Variants in ARHGAP31 observed in about 807,000 individuals in gnomAD.
ARHGAP31 encodes the protein Rho GTPase activating protein 31.
ARHGAP31 carries 34 observed loss-of-function variants against 113.9 expected under a neutral mutation model. That is an observed-to-expected ratio of 0.30 (90% CI 0.23 to 0.40). The LOEUF (loss-of-function observed/expected upper bound fraction) is 0.40, where lower values mean the gene tolerates loss of function less well. ARHGAP31 is among the 10% of genes least tolerant of loss of function. The pLI is 1.00. For synonymous variants in ARHGAP31, 650 were observed against 684.8 expected (o/e 0.95, Z 0.79); for missense variants, 1,548 against 1,767.1 (o/e 0.88, Z 2.22).
At position 119,397,309 on chromosome 3, in the gene ARHGAP31, G is replaced by A. The variant is rs1027291487; in HGVS notation, c.1007-1890G>A. Among the ~76,000 whole-genome samples the A allele has an allele frequency of 2.0e-5, 3 of 152,330 alleles. No homozygotes were observed. The South Asian group carries it at 6.2e-4, about 32-fold the overall frequency. Reference sequence around the variant, plus strand: ...GGCTTCAACACCAAAGGTGGACACCGATGGACCTACAGACAGAGCTGCTAC... The same window carrying A: ...GGCTTCAACACCAAAGGTGGACACCAATGGACCTACAGACAGAGCTGCTAC... On this transcript the variant is annotated intron_variant, in intron 8 of 11. Coordinates refer to ENST00000264245, the MANE Select transcript of ARHGAP31 (RefSeq NM_020754.4).
At chr3:119,366,697 G>A (rs1421703696) in intron 2 of ARHGAP31, among the ~76,000 whole-genome samples, 1 of 151,746 alleles carries the variant, frequency 6.6e-6, no homozygotes, top group Non-Finnish European at 1.5e-5. Context: ...GAAATCTTTG[G>A]CTAAATAAAT....
At chr3:119,322,074 CTTT>C (rs548071618) in intron 1 of ARHGAP31, among the ~76,000 whole-genome samples, 2,105 of 152,190 alleles carry the variant, frequency 0.014, 16 homozygotes, top group Middle Eastern at 0.027. Context: ...GCATATGGCT[CTTT>C]TGTTATGTAA....
chr3:119,345,222 G>T (rs1217941911), intron 1 of ARHGAP31, among the ~76,000 whole-genome samples: 1 of 152,072 alleles, frequency 6.6e-6, no homozygotes, highest in Admixed American at 6.5e-5. Flanking sequence ...TCCTGACCTC[G>T]TGATCCACCC....
At position 119,391,047 on chromosome 3, in the gene ARHGAP31, G is replaced by A. The variant is rs575000749; in HGVS notation, c.881+64G>A. ...GGTTGAAGAGGAAAGAGGAGGAGAG[G>A]TATACAGTCTCAGGACCAAGATGGC... On this transcript the variant is annotated intron_variant, in intron 7 of 11. Transcript: ENST00000264245. 36 of 1,566,036 alleles carry A rather than the reference G, an allele frequency of 2.3e-5. No individual in the cohort carries two copies. In the African/African-American group the frequency reaches 4.6e-4, roughly 20 times the overall value.
rs866796353 is a variant in ARHGAP31 at position 119,362,787 on chromosome 3, G to C, written c.101-2529G>C. Among the ~76,000 whole-genome samples the C allele has an allele frequency of 2.4e-4, 35 of 148,890 alleles. 1 individual carries two copies. The South Asian group carries it at 7.4e-3, about 32-fold the overall frequency. On this transcript the variant is annotated intron_variant, in intron 1 of 11. Transcript: ENST00000264245. ...CTGTCTAAAAAAAAAAAAAAAAGGC[G>C]GGGGGTGGAGTAGAGATGAGTTTTG...
chr3:119,375,925 C>T (rs2080342539), intron 3 of ARHGAP31, among the ~76,000 whole-genome samples: 1 of 152,160 alleles, frequency 6.6e-6, no homozygotes, highest in Non-Finnish European at 1.5e-5. Flanking sequence ...AATCATAACT[C>T]ACTGTAACTT....
rs1398857273 is a variant in ARHGAP31 at position 119,418,605 on chromosome 3, G to A, written c.*2341G>A. 1 of 152,134 alleles carries A rather than the reference G, an allele frequency of 6.6e-6. No homozygotes were observed. Among genetic ancestry groups the A allele is most frequent in the African/African-American group, 2.4e-5 (1 of 41,424 alleles). 9.4% of individuals were successfully genotyped at this position (152,134 alleles called of 1,614,324 possible). Reference sequence around the variant, plus strand: ...CATTTATAAGATCTATTTTTATTTGGGGATAGACTGAGAAGCCACCATTTA... The same window carrying A: ...CATTTATAAGATCTATTTTTATTTGAGGATAGACTGAGAAGCCACCATTTA... On this transcript the variant is annotated 3_prime_UTR_variant, in exon 12 of 12. Transcript: ENST00000264245.
intron 9 of ARHGAP31, among the ~76,000 whole-genome samples, chr3:119,399,737 G>A (rs1356827401): frequency 6.6e-6 from 1 of 152,178 alleles, no homozygotes; most frequent in Non-Finnish European, 1.5e-5. Context: ...GTTCATTCAT[G>A]TATCTATTTA....
chr3:119,305,264 A>G (rs1019084535), intron 1 of ARHGAP31, among the ~76,000 whole-genome samples: 2 of 152,222 alleles, frequency 1.3e-5, no homozygotes, highest in African/African-American at 4.8e-5. Context: ...ATGCATTGCC[A>G]AGGTGATAAG....
intron 1 of ARHGAP31, among the ~76,000 whole-genome samples, chr3:119,326,391 A>G (rs2079844338): frequency 6.6e-6 from 1 of 150,776 alleles, no homozygotes; most frequent in Admixed American, 6.6e-5. Flanking sequence ...AAAAGGAAAC[A>G]CTGGGTGCTC....
chr3:119,399,631 GT>G (rs777637881), intron 9 of ARHGAP31, among the ~76,000 whole-genome samples: 1 of 152,208 alleles, frequency 6.6e-6, no homozygotes, highest in Non-Finnish European at 1.5e-5. Flanking sequence ...ATGCCCTATG[GT>G]TTTATGCCTA....
intron 1 of ARHGAP31, among the ~76,000 whole-genome samples, chr3:119,309,075 C>G (rs79583568): frequency 6.6e-6 from 1 of 152,132 alleles, no homozygotes; most frequent in African/African-American, 2.4e-5. Context: ...CTCCTGGACT[C>G]AAGTATTCCA....
At position 119,409,637 on chromosome 3, in the gene ARHGAP31, C is replaced by G; in HGVS notation, c.1787C>G (p.Ser596Cys). Residue 596 changes from serine (S) to cysteine (C), a missense_variant, in exon 11 of 12, where the codon TCT (serine) becomes TGT (cysteine). Physicochemically the swap from Ser to Cys is moderately radical, Grantham distance 112. Transcript: ENST00000264245. ...AAAACCCCAGAAAGCTCCTTGAGCT[C>G]TCAACATTTAAATGAATTAGAGAAG... Reference protein sequence around the residue: ...EKKTPESSLSSQHLNELEKRP... With the variant: ...EKKTPESSLSCQHLNELEKRP... 6.2e-7 allele frequency: 1 copy of G among 1,613,444 alleles called. No homozygotes were observed. The highest frequency in any genetic ancestry group is 8.5e-7 in the Non-Finnish European group (1 of 1,179,696).
chr3:119,383,839 C>T (rs2080424663), intron 6 of ARHGAP31, among the ~76,000 whole-genome samples: 1 of 152,196 alleles, frequency 6.6e-6, no homozygotes, highest in African/African-American at 2.4e-5. Context: ...CCCTTGAACC[C>T]AGTTGGTAAA....
At position 119,420,099 on chromosome 3, in the gene ARHGAP31, T is replaced by C. The variant is rs1421271090; in HGVS notation, c.*3835T>C. On this transcript the variant is annotated 3_prime_UTR_variant, in exon 12 of 12. Transcript: ENST00000264245. ...GGCTAAAATTGGATGGGACAGTCAT[T>C]TGTCTACACAGGCCTTCCATTCCTG... The C allele has an allele frequency of 6.6e-6, 1 of 152,092 alleles. No individual in the cohort carries two copies. Among genetic ancestry groups the C allele is most frequent in the Non-Finnish European group, 1.5e-5 (1 of 68,012 alleles). The allele number at this position is 152,092 out of a possible 1,614,324, so 9.4% of individuals were successfully genotyped here. A position where few individuals can be genotyped will look rare whatever the true frequency, so the allele number is the denominator to read the frequency against.
chr3:119,313,547 C>A (rs908116158), intron 1 of ARHGAP31, among the ~76,000 whole-genome samples: 1 of 152,320 alleles, frequency 6.6e-6, no homozygotes, highest in Non-Finnish European at 1.5e-5. Context: ...CCACATACTT[C>A]TAATTATAGT....
Position 119,414,998 on chromosome 3 carries a change from G to C in ARHGAP31, c.3069G>C (p.Lys1023Asn). 1 of 1,614,178 alleles carries C rather than the reference G, an allele frequency of 6.2e-7. No individual in the cohort carries two copies. The highest frequency in any genetic ancestry group is 8.5e-7 in the Non-Finnish European group (1 of 1,180,034). ...LKGAEAPPNQ[K>N]GPSGVQPNPA... The stretch of plus-strand genomic sequence containing the variant: ...GGGCAGAGGCTCCTCCCAACCAGAA[G>C]GGACCAAGTGGTGTGCAACCCAACC... The change falls in exon 12 of 12, where the codon AAG becomes AAC. Residue 1023 changes from lysine (K) to asparagine (N), a missense_variant. Transcript: ENST00000264245.
intron 1 of ARHGAP31, among the ~76,000 whole-genome samples, chr3:119,299,772 A>C (rs7643381): frequency 0.046 from 7,064 of 152,374 alleles, 163 homozygotes; most frequent in African/African-American, 0.052. Context: ...AAGCTGAAGA[A>C]GAAAATTCGC....
intron 6 of ARHGAP31, among the ~76,000 whole-genome samples, chr3:119,388,694 G>A (rs2080476230): frequency 6.6e-6 from 1 of 152,174 alleles, no homozygotes; most frequent in South Asian, 2.1e-4. Flanking sequence ...TATGGAAGGA[G>A]AGATGCATTA....
Sources: gnomAD v4.1 joint callset for allele counts (sites outside exome capture counted in the v4.1 genomes callset) on GRCh38, gnomAD v4.1.1 for gene constraint, MANE v1.5 for transcripts, NCBI Gene and HGNC (gene_info 2026-07-23, HGNC 2026-07-21) for gene names.